BICD1: variants seen among roughly 807,000 people sequenced by gnomAD.
BICD1 encodes the protein protein bicaudal D homolog 1.
A neutral mutation model predicts 92.5 loss-of-function variants in BICD1; 35 were observed. The ratio of observed to expected loss-of-function variants is 0.38; its 90% CI spans 0.29 to 0.50. BICD1 has a LOEUF of 0.50. BICD1 is among the 20% of genes least tolerant of loss of function. The pLI, the probability that BICD1 is intolerant of heterozygous loss-of-function variation, is 0.93. For missense variants in BICD1, 950 were observed against 1,189.8 expected, an observed-to-expected ratio of 0.80 and a Z score of 2.97; for synonymous variants, 429 against 465.1, an observed-to-expected ratio of 0.92 and a Z score of 1.00.
intron 1 of BICD1, among the ~76,000 whole-genome samples, chr12:32,139,016 A>G (rs532378105): frequency 1.3e-5 from 2 of 152,364 alleles, no homozygotes; most frequent in East Asian, 1.9e-4. Context: ...TAGAGTTTGC[A>G]TGCAGAAAAT....
At chr12:32,263,279 T>TG (rs1392885211) in intron 2 of BICD1, among the ~76,000 whole-genome samples, 1 of 152,182 alleles carries the variant, frequency 6.6e-6, no homozygotes, top group Non-Finnish European at 1.5e-5. Context: ...CCAGGCATGG[T>TG]GGCTCACGCC....
chr12:32,303,424 G>A (rs1189650059), intron 3 of BICD1, among the ~76,000 whole-genome samples: 1 of 152,164 alleles, frequency 6.6e-6, no homozygotes, highest in African/African-American at 2.4e-5. Context: ...TTTACCATCA[G>A]CTTTCATTGT....
intron 1 of BICD1, among the ~76,000 whole-genome samples, chr12:32,143,789 A>G (rs1028675824): frequency 5.3e-5 from 8 of 152,228 alleles, no homozygotes; most frequent in African/African-American, 1.9e-4. Context: ...TATTCTCACC[A>G]TCATTGGATA....
chr12:32,320,099 G>A (rs1014142471), intron 4 of BICD1, among the ~76,000 whole-genome samples: 1 of 152,140 alleles, frequency 6.6e-6, no homozygotes, highest in East Asian at 1.9e-4. Flanking sequence ...CATTATCAGA[G>A]TTGTTTCTCT....
chr12:32,276,313 C>T (rs922801125), intron 2 of BICD1, among the ~76,000 whole-genome samples: 1 of 152,122 alleles, frequency 6.6e-6, no homozygotes, highest in Non-Finnish European at 1.5e-5. Context: ...GGCCAACCTC[C>T]CCAACAGCAC....
chr12:32,194,684 C>A (rs539841594), intron 1 of BICD1, among the ~76,000 whole-genome samples: 1 of 151,952 alleles, frequency 6.6e-6, no homozygotes, highest in East Asian at 1.9e-4. Context: ...GATTTTGAGA[C>A]CAGCCTGACC....
intron 1 of BICD1, among the ~76,000 whole-genome samples, chr12:32,118,333 G>A (rs71457606): frequency 0.15 from 22,757 of 151,574 alleles, 2,011 homozygotes; most frequent in Non-Finnish European, 0.18. Context: ...CGCCCGCCTC[G>A]GCCTCCCAAA....
At chr12:32,258,252 T>C (rs1424456497) in intron 2 of BICD1, among the ~76,000 whole-genome samples, 1 of 152,230 alleles carries the variant, frequency 6.6e-6, no homozygotes, top group African/African-American at 2.4e-5. Context: ...TTCATTTCAG[T>C]ATTTTAGTTC....
At chr12:32,277,730 G>C (rs145337819) in intron 2 of BICD1, among the ~76,000 whole-genome samples, 98 of 152,278 alleles carry the variant, frequency 6.4e-4, no homozygotes, top group African/African-American at 2.2e-3. Flanking sequence ...TTAGTCCCTT[G>C]ATTTGCAAAT....
chr12:32,135,386 CTTTTTTTTTTTTT>C (rs71064999), intron 1 of BICD1, among the ~76,000 whole-genome samples: 2 of 44,796 alleles, frequency 4.5e-5, no homozygotes, highest in Non-Finnish European at 7.5e-5. Context: ...CCATGCGTGG[CTTTTTTTTTTTTT>C]TTTTTTTTTT....
chr12:32,251,640 CTA>C (rs1186860503), intron 2 of BICD1, among the ~76,000 whole-genome samples: 4 of 152,150 alleles, frequency 2.6e-5, no homozygotes, highest in Non-Finnish European at 5.9e-5. Context: ...TACTGTTCTA[CTA>C]TATGGATGCA....
intron 4 of BICD1, among the ~76,000 whole-genome samples, chr12:32,307,159 A>G (rs1948252034): frequency 6.6e-6 from 1 of 152,192 alleles, no homozygotes; most frequent in African/African-American, 2.4e-5. Flanking sequence ...TAGCTTCCAG[A>G]TTTATGGTTA....
chr12:32,294,438 T>G (rs1409933312), intron 3 of BICD1, among the ~76,000 whole-genome samples: 2 of 151,992 alleles, frequency 1.3e-5, no homozygotes, highest in Non-Finnish European at 1.5e-5. Flanking sequence ...CGTAACAAAT[T>G]TAACCTGACA....
intron 8 of BICD1, among the ~76,000 whole-genome samples, chr12:32,348,728 ATAT>A (rs1938738982): frequency 1.1e-3 from 1 of 914 alleles, no homozygotes; most frequent in East Asian, 0.038. Flanking sequence ...ACAAAAATAT[ATAT>A]ATATATATAT....
chr12:32,268,273 G>T (rs1251680631), intron 2 of BICD1, among the ~76,000 whole-genome samples: 2 of 152,118 alleles, frequency 1.3e-5, no homozygotes, highest in Non-Finnish European at 2.9e-5. Flanking sequence ...GAAGAGAAGG[G>T]ATGCGCCAGG....
chr12:32,201,585 C>T (rs1944907163), intron 1 of BICD1, among the ~76,000 whole-genome samples: 1 of 152,042 alleles, frequency 6.6e-6, no homozygotes, highest in Admixed American at 6.6e-5. Context: ...AAATGTATTA[C>T]TTTCAAACTT....
chr12:32,369,233 C>T (rs1322359996), intron 9 of BICD1, among the ~76,000 whole-genome samples: 1 of 152,236 alleles, frequency 6.6e-6, no homozygotes, highest in Non-Finnish European at 1.5e-5. Flanking sequence ...AGCGTCTCAG[C>T]GTTCCATCAG....
chr12:32,365,954 C>T (rs529007073), intron 8 of BICD1, among the ~76,000 whole-genome samples: 23 of 152,116 alleles, frequency 1.5e-4, no homozygotes, highest in Non-Finnish European at 2.8e-4. Flanking sequence ...TATGATCATC[C>T]GAACACCAGC....
chr12:32,136,806 C>G (rs1381439451), intron 1 of BICD1, among the ~76,000 whole-genome samples: 1 of 152,168 alleles, frequency 6.6e-6, no homozygotes, highest in African/African-American at 2.4e-5. Context: ...GCATCCCCTT[C>G]TGTAGATCCT....
Sources: gnomAD v4.1 joint callset for allele counts (sites outside exome capture counted in the v4.1 genomes callset) on GRCh38, gnomAD v4.1.1 for gene constraint, MANE v1.5 for transcripts, NCBI Gene and HGNC (gene_info 2026-07-23, HGNC 2026-07-21) for gene names.